Variants in PTPRT observed in about 807,000 individuals in gnomAD.
The protein encoded by PTPRT is receptor-type tyrosine-protein phosphatase T.
A neutral mutation model predicts 176.8 loss-of-function variants in PTPRT; 56 were observed. The observed-to-expected ratio is 0.32, with a 90% CI of 0.26 to 0.40. The LOEUF is 0.40. Among genes scored for constraint, PTPRT ranks in the 10% least tolerant of loss-of-function variants. PTPRT has a pLI of 1.00. For missense variants in PTPRT, 1,540 were observed against 1,908.2 expected (o/e 0.81, Z 3.60); for synonymous variants, 783 against 739.0 (o/e 1.06, Z -0.96).
intron 2 of PTPRT, among the ~76,000 whole-genome samples, chr20:42,847,120 G>A (rs1435592010): frequency 5.9e-5 from 9 of 152,206 alleles, no homozygotes. Flanking sequence ...CGAATGAGGA[G>A]AATCCAAGGC....
Position 42,080,912 on chromosome 20 carries a change from G to A in PTPRT, c.4293C>T (p.Tyr1431=), listed in dbSNP as rs751076540. The A allele has an allele frequency of 2.0e-5, 32 of 1,609,076 alleles. No homozygotes were observed. The highest frequency in any genetic ancestry group is 1.6e-4 in the Middle Eastern group (1 of 6,072). ...VETLEQYKFV[Y]EVALEYLSSF is the part of the protein sequence containing the mutation. ...AGCTTAAATATTCCAGTGCCACCTC[G>A]TATACAAATTTATACTGTTCCTGAG... The change falls in exon 31 of 31, where the codon TAC becomes TAT. Residue 1431 remains tyrosine (Y), a synonymous_variant. Transcript: ENST00000373187.
chr20:42,335,721 A>G (rs6130111), intron 11 of PTPRT, among the ~76,000 whole-genome samples: 39,627 of 152,082 alleles, frequency 0.26, 5,387 homozygotes, highest in African/African-American at 0.32. Context: ...GAAAAAGAGT[A>G]TTTAAAGGCA....
intron 17 of PTPRT, among the ~76,000 whole-genome samples, chr20:42,148,712 C>T (rs1037116689): frequency 7.9e-5 from 12 of 152,158 alleles, no homozygotes; most frequent in African/African-American, 2.9e-4. Flanking sequence ...CAGGCAAGGC[C>T]GCTCTGAGGC....
intron 1 of PTPRT, among the ~76,000 whole-genome samples, chr20:43,010,854 A>G (rs919198556): frequency 6.6e-6 from 1 of 152,084 alleles, no homozygotes; most frequent in Admixed American, 6.6e-5. Flanking sequence ...CTTTCTTCCT[A>G]AGAGATTAAA....
At chr20:42,686,837 C>T (rs189840547) in intron 6 of PTPRT, among the ~76,000 whole-genome samples, 41 of 152,128 alleles carry the variant, frequency 2.7e-4, no homozygotes, top group African/African-American at 8.2e-4. Context: ...AGTCTCACTT[C>T]GTCTCCTGTT....
intron 14 of PTPRT, among the ~76,000 whole-genome samples, chr20:42,248,353 T>C (rs1358499916): frequency 6.6e-6 from 1 of 152,198 alleles, no homozygotes; most frequent in African/African-American, 2.4e-5. Context: ...TCCCGAGCTA[T>C]CTTGATGACA....
chr20:42,830,857 A>G (rs1600803910), intron 2 of PTPRT, among the ~76,000 whole-genome samples: 1 of 152,190 alleles, frequency 6.6e-6, no homozygotes, highest in Non-Finnish European at 1.5e-5. Flanking sequence ...GATCTCTACA[A>G]TGAGAATTAT....
At chr20:42,117,767 GT>G (rs1987363205) in intron 21 of PTPRT, among the ~76,000 whole-genome samples, 1 of 152,172 alleles carries the variant, frequency 6.6e-6, no homozygotes, top group Admixed American at 6.5e-5. Flanking sequence ...AGTCTTTAAA[GT>G]TTGGCAGAAA....
intron 9 of PTPRT, among the ~76,000 whole-genome samples, chr20:42,406,465 G>C (rs576987767): frequency 6.6e-6 from 1 of 151,926 alleles, no homozygotes; most frequent in East Asian, 1.9e-4. Context: ...TTCAACCGAG[G>C]AGAAGAAAAT....
At chr20:42,162,434 TG>T (rs767618929) in intron 16 of PTPRT, among the ~76,000 whole-genome samples, 4 of 152,234 alleles carry the variant, frequency 2.6e-5, no homozygotes, top group African/African-American at 4.8e-5. Context: ...CTGGTCAGAT[TG>T]GGTTTGAATT....
chr20:43,048,575 G>C (rs556641346), intron 1 of PTPRT, among the ~76,000 whole-genome samples: 3 of 152,274 alleles, frequency 2.0e-5, no homozygotes, highest in Non-Finnish European at 2.9e-5. Context: ...GTGGGCCAAG[G>C]GGGTGGGAAA....
chr20:43,058,008 G>A (rs973198841), intron 1 of PTPRT, among the ~76,000 whole-genome samples: 2 of 152,186 alleles, frequency 1.3e-5, no homozygotes, highest in Non-Finnish European at 2.9e-5. Flanking sequence ...AGGGGAACAG[G>A]CAAGGAAGGA....
chr20:42,040,069 TC>T, the PTPRT span, among the ~76,000 whole-genome samples: 4 of 152,112 alleles, frequency 2.6e-5, no homozygotes, highest in African/African-American at 9.7e-5. Flanking sequence ...GTGCAAAAGT[TC>T]CCTTTTTTTT....
intron 9 of PTPRT, among the ~76,000 whole-genome samples, chr20:42,399,046 G>C (rs761204003): frequency 3.9e-5 from 6 of 152,256 alleles, no homozygotes; most frequent in Non-Finnish European, 7.3e-5. Context: ...CAGACACTGG[G>C]AGGGCAAGAG....
chr20:43,146,569 A>C (rs2014175216), intron 1 of PTPRT, among the ~76,000 whole-genome samples: 1 of 152,082 alleles, frequency 6.6e-6, no homozygotes, highest in African/African-American at 2.4e-5. Flanking sequence ...AAAAAAAAAA[A>C]AAATCACCCC....
At chr20:43,027,475 C>CAAAA (rs3092377) in intron 1 of PTPRT, among the ~76,000 whole-genome samples, 5 of 139,428 alleles carry the variant, frequency 3.6e-5, no homozygotes, top group Admixed American at 7.2e-5. Flanking sequence ...GACTCCACCT[C>CAAAA]AAAAAAAAAA....
At chr20:42,569,814 T>C (rs1273068064) in intron 7 of PTPRT, among the ~76,000 whole-genome samples, 2 of 152,188 alleles carry the variant, frequency 1.3e-5, no homozygotes, top group Non-Finnish European at 2.9e-5. Flanking sequence ...CAAGAAGACG[T>C]TTATCATCAT....
chr20:42,096,534 C>T (rs1478896896), intron 27 of PTPRT, among the ~76,000 whole-genome samples: 1 of 152,104 alleles, frequency 6.6e-6, no homozygotes. Flanking sequence ...ACCTGGGAGG[C>T]GGAGGTTGCA....
At chr20:43,029,876 G>C (rs1375203432) in intron 1 of PTPRT, among the ~76,000 whole-genome samples, 1 of 152,154 alleles carries the variant, frequency 6.6e-6, no homozygotes. Flanking sequence ...TTTTTGCTCT[G>C]TTCCACAGAC....
Sources: allele counts gnomAD v4.1 joint callset (sites outside exome capture counted in the v4.1 genomes callset), GRCh38; gene constraint gnomAD v4.1.1; transcripts MANE v1.5; gene names NCBI Gene and HGNC (gene_info 2026-07-23, HGNC 2026-07-21).